CHL1: variants seen among roughly 807,000 people sequenced by gnomAD.
CHL1 encodes cell adhesion molecule L1 like, also known as neural cell adhesion molecule L1-like protein.
A neutral mutation model predicts 141.9 loss-of-function variants in CHL1; 96 were observed. The observed-to-expected ratio is 0.68, with a 90% CI of 0.57 to 0.80. CHL1 has a LOEUF of 0.80. CHL1 is among the 30% of genes least tolerant of loss of function. The pLI is 0.00. For synonymous variants in CHL1, 613 were observed against 502.2 expected (o/e 1.22, Z -2.95); for missense variants, 1,820 against 1,457.2 (o/e 1.25, Z -4.05).
Position 407,379 on chromosome 3 carries a change from C to G in CHL1, c.*1668C>G, listed in dbSNP as rs1218444760. ...GGAATATCTACTTGTCCTTTTGAAC[C>G]TCACGAGTCATCCAGAATGTATAGA... On this transcript the variant is annotated 3_prime_UTR_variant, in exon 28 of 28. Transcript: ENST00000256509. 6.6e-6 allele frequency: 1 copy of G among 152,046 alleles called. No individual in the cohort carries two copies. The highest frequency in any genetic ancestry group is 1.9e-4 in the East Asian group (1 of 5,188). The allele number at this position is 152,046 out of a possible 1,614,324, so 9.4% of individuals were successfully genotyped here.
intron 2 of CHL1, among the ~76,000 whole-genome samples, chr3:313,121 G>A (rs915981547): frequency 2.0e-5 from 3 of 152,026 alleles, no homozygotes; most frequent in Non-Finnish European, 2.9e-5. Flanking sequence ...AATGAAAATG[G>A]CAGATGGACT....
At chr3:219,691 A>C (rs1700654025) in intron 1 of CHL1, among the ~76,000 whole-genome samples, 1 of 152,186 alleles carries the variant, frequency 6.6e-6, no homozygotes, top group Non-Finnish European at 1.5e-5. Context: ...ACTGGGGCCT[A>C]CTTGAAGGTG....
At chr3:349,806 T>G (rs1703089459) in intron 10 of CHL1, among the ~76,000 whole-genome samples, 1 of 152,236 alleles carries the variant, frequency 6.6e-6, no homozygotes, top group South Asian at 2.1e-4. Context: ...ATTCAAATAG[T>G]CATTAAAGCT....
intron 11 of CHL1, among the ~76,000 whole-genome samples, chr3:356,007 A>G (rs960933643): frequency 6.6e-6 from 1 of 152,158 alleles, no homozygotes; most frequent in African/African-American, 2.4e-5. Flanking sequence ...CATGCAGAGA[A>G]TGCTTAGCAC....
intron 24 of CHL1, among the ~76,000 whole-genome samples, chr3:397,627 A>T (rs1708786091): frequency 6.6e-6 from 1 of 152,104 alleles, no homozygotes; most frequent in Non-Finnish European, 1.5e-5. Context: ...CTATTAACAT[A>T]TTGACATATT....
At chr3:248,953 A>G (rs1693432290) in intron 2 of CHL1, among the ~76,000 whole-genome samples, 1 of 152,210 alleles carries the variant, frequency 6.6e-6, no homozygotes, top group Non-Finnish European at 1.5e-5. Context: ...CAGCTAAACA[A>G]ATAACTCAGA....
chr3:293,272 T>C (rs1192412416), intron 2 of CHL1, among the ~76,000 whole-genome samples: 9 of 151,806 alleles, frequency 5.9e-5, no homozygotes, highest in Non-Finnish European at 1.2e-4. Flanking sequence ...GAGGCCGAGG[T>C]GGATGGTTCT....
At chr3:286,062 C>G (rs1252906654) in intron 2 of CHL1, among the ~76,000 whole-genome samples, 1 of 152,032 alleles carries the variant, frequency 6.6e-6, no homozygotes, top group African/African-American at 2.4e-5. Flanking sequence ...TTTATTACCC[C>G]CATTTTCATA....
chr3:407,797 A>G lies in CHL1; in HGVS notation c.*2086A>G, dbSNP rs1287795581. 2 of 152,292 alleles carry G rather than the reference A, an allele frequency of 1.3e-5. No homozygotes were observed. Among genetic ancestry groups the G allele is most frequent in the South Asian group, 4.1e-4 (2 of 4,826 alleles). The allele number at this position is 152,292 out of a possible 1,614,324, so 9.4% of individuals were successfully genotyped here. A position where few individuals can be genotyped will look rare whatever the true frequency, so the allele number is the denominator to read the frequency against. ...TTAGGAATTTAATAACCTTTAAGTC[A>G]GAAACTAAAACAAATACTGAAATAT... On this transcript the variant is annotated 3_prime_UTR_variant, in exon 28 of 28. Transcript: ENST00000256509.
At chr3:236,160 T>C (rs1178903411) in intron 1 of CHL1, among the ~76,000 whole-genome samples, 1 of 152,186 alleles carries the variant, frequency 6.6e-6, no homozygotes, top group Non-Finnish European at 1.5e-5. Flanking sequence ...TCTACTGTGA[T>C]GAATTGGCTA....
chr3:320,327 AT>A (rs1326679128), intron 3 of CHL1, among the ~76,000 whole-genome samples: 1 of 152,064 alleles, frequency 6.6e-6, no homozygotes, highest in Non-Finnish European at 1.5e-5. Flanking sequence ...ACAATAAGCC[AT>A]TTTACAAGTA....
At chr3:369,010 T>A (rs967722422) in intron 15 of CHL1, among the ~76,000 whole-genome samples, 8 of 152,200 alleles carry the variant, frequency 5.3e-5, no homozygotes, top group African/African-American at 1.9e-4. Flanking sequence ...TGTAGTGTAG[T>A]TTGAAGTCAG....
intron 1 of CHL1, among the ~76,000 whole-genome samples, chr3:216,899 T>C (rs1339729668): frequency 1.3e-5 from 2 of 152,194 alleles, no homozygotes; most frequent in Non-Finnish European, 2.9e-5. Flanking sequence ...CTCCAAATCA[T>C]GTGGTTCTTC....
chr3:323,744 A>T (rs1700780366), intron 3 of CHL1, among the ~76,000 whole-genome samples: 1 of 152,130 alleles, frequency 6.6e-6, no homozygotes, highest in African/African-American at 2.4e-5. Context: ...GATGGCCTTT[A>T]GTTCTAGCCA....
At chr3:218,268 A>G (rs1053735885) in intron 1 of CHL1, among the ~76,000 whole-genome samples, 7 of 152,240 alleles carry the variant, frequency 4.6e-5, no homozygotes, top group Non-Finnish European at 8.8e-5. Flanking sequence ...TACTTTCTGC[A>G]CTGACAGAAC....
At chr3:369,689 A>T (rs888263520) in intron 15 of CHL1, among the ~76,000 whole-genome samples, 1 of 152,222 alleles carries the variant, frequency 6.6e-6, no homozygotes, top group Non-Finnish European at 1.5e-5. Context: ...TTGCCAAGGG[A>T]ATGCTTCCAG....
At chr3:279,993 A>G (rs904813884) in intron 2 of CHL1, among the ~76,000 whole-genome samples, 3 of 151,806 alleles carry the variant, frequency 2.0e-5, no homozygotes, top group African/African-American at 4.9e-5. Context: ...TTTCACACTG[A>G]GTATTTTTTA....
intron 2 of CHL1, among the ~76,000 whole-genome samples, chr3:276,060 C>T (rs968114693): frequency 6.6e-6 from 1 of 151,738 alleles, no homozygotes; most frequent in South Asian, 2.1e-4. Flanking sequence ...ATATGTTGAA[C>T]TCTAAAGTCG....
chr3:355,293 C>T (rs1374190696), intron 11 of CHL1, among the ~76,000 whole-genome samples: 2 of 152,136 alleles, frequency 1.3e-5, no homozygotes, highest in Non-Finnish European at 2.9e-5. Flanking sequence ...AACATGGTCC[C>T]ATTACTGCCT....
Sources: allele counts gnomAD v4.1 joint callset (sites outside exome capture counted in the v4.1 genomes callset), GRCh38; gene constraint gnomAD v4.1.1; transcripts MANE v1.5; gene names NCBI Gene and HGNC (gene_info 2026-07-23, HGNC 2026-07-21).